The following UGT1A10 variants were observed in gnomAD, a reference collection of about 807,000 sequenced individuals.
UGT1A10 encodes UDP-glucuronosyltransferase 1A10.
Under a neutral mutation model 45.8 loss-of-function variants are expected in UGT1A10, and 49 were observed. The ratio of observed to expected loss-of-function variants is 1.07; its 90% CI spans 0.85 to 1.36. UGT1A10 has a LOEUF of 1.36. Ranked by LOEUF, UGT1A10 falls within the 40% of genes most tolerant of loss-of-function variation. The pLI, the probability that UGT1A10 is intolerant of heterozygous loss-of-function variation, is 0.00. For missense variants in UGT1A10, 745 were observed against 668.6 expected (o/e 1.11, Z -1.26); for synonymous variants, 284 against 249.7 (o/e 1.14, Z -1.29).
intron 1 of UGT1A10, among the ~76,000 whole-genome samples, chr2:233,660,654 T>G (rs1240916738): frequency 6.6e-6 from 1 of 152,238 alleles, no homozygotes; most frequent in Non-Finnish European, 1.5e-5. Context: ...GGACTGTATT[T>G]GCATAAGACG....
At chr2:233,709,129 A>T (rs2076058664) in intron 1 of UGT1A10, among the ~76,000 whole-genome samples, 1 of 152,130 alleles carries the variant, frequency 6.6e-6, no homozygotes, top group Non-Finnish European at 1.5e-5. Context: ...ATGGTGGCCA[A>T]GGGGATGAGA....
At chr2:233,742,213 CAGGGCTGAG>C (rs1691910007) in intron 1 of UGT1A10, among the ~76,000 whole-genome samples, 1 of 151,938 alleles carries the variant, frequency 6.6e-6, no homozygotes, top group Non-Finnish European at 1.5e-5. Context: ...TCACAGCCTT[CAGGGCTGAG>C]AGCCCCAAAC....
chr2:233,683,077 A>C lies in UGT1A10; in HGVS notation c.855+45700A>C, dbSNP rs150800988. Among the ~76,000 whole-genome samples the C allele has an allele frequency of 9.2e-5, 14 of 152,244 alleles. No homozygotes were observed. The East Asian group carries it at 2.7e-3, about 29-fold the overall frequency. ...CAAAAAAACCACAGTAAGAAATGAA[A>C]CTTCCCTTTTTTTGCTAATTCTACA... On this transcript the variant is annotated intron_variant, in intron 1 of 4. Coordinates refer to ENST00000344644, the MANE Select transcript of UGT1A10 (RefSeq NM_019075.4).
At chr2:233,714,248 G>C (rs1260479337) in intron 1 of UGT1A10, among the ~76,000 whole-genome samples, 1 of 152,160 alleles carries the variant, frequency 6.6e-6, no homozygotes, top group Non-Finnish European at 1.5e-5. Flanking sequence ...AAGGAGGAAG[G>C]AATAGAAATT....
Position 233,757,535 on chromosome 2 carries a change from A to AATATATATATATATATATATATAT in UGT1A10, c.856-9496_856-9473dup, listed in dbSNP as rs67292694. On this transcript the variant is annotated intron_variant, in intron 1 of 4. Transcript: ENST00000344644. ...CAAAGCCAAAATCTTGCCTGTAAGG[A>AATATATATATATATATATATATAT]ATATATATATATATATATATATATA... Among the ~76,000 whole-genome samples the AATATATATATATATATATATATAT allele has an allele frequency of 1.4e-3, 127 of 88,238 alleles. 1 individual carries two copies. The highest frequency in any genetic ancestry group is 9.2e-3 in the East Asian group (33 of 3,584). The allele number at this position is 88,238 out of a possible 152,430, so 57.9% of individuals were successfully genotyped here.
rs368860136 is a variant in UGT1A10 at position 233,772,310 on chromosome 2, G to C, written c.1344G>C (p.Pro448=). 4.6e-5 allele frequency: 74 copies of C among 1,614,210 alleles called. 1 individual carries two copies. The South Asian group carries it at 7.0e-4, about 15-fold the overall frequency. The part of the protein sequence containing the change: ...MRLSSLHKDR[P]VEPLDLAVFW... Reference sequence around the variant, plus strand: ...TCTCCAGCCTTCACAAGGACCGCCCGGTGGAGCCGCTGGACCTGGCCGTGT... The same window carrying C: ...TCTCCAGCCTTCACAAGGACCGCCCCGTGGAGCCGCTGGACCTGGCCGTGT... The change falls in exon 5 of 5, where the codon CCG becomes CCC. Residue 448 remains proline, a synonymous_variant. Transcript: ENST00000344644.
chr2:233,765,014 C>G (rs1352821222), intron 1 of UGT1A10, among the ~76,000 whole-genome samples: 2 of 151,988 alleles, frequency 1.3e-5, no homozygotes, highest in Non-Finnish European at 1.5e-5. Context: ...CCAAATCAGG[C>G]TTGGCAGGAG....
chr2:233,691,064 A>G, intron 1 of UGT1A10: 1 of 986,774 alleles, frequency 1.0e-6, no homozygotes, highest in Non-Finnish European at 1.2e-6. Context: ...GGTCTAGTAT[A>G]AAGAATGTGA....
intron 1 of UGT1A10, among the ~76,000 whole-genome samples, chr2:233,761,417 G>A (rs1445848635): frequency 6.6e-6 from 1 of 152,202 alleles, no homozygotes; most frequent in Non-Finnish European, 1.5e-5. Context: ...GAAACAACAA[G>A]CTGTTAAATG....
At chr2:233,717,804 C>G (rs147106885) in intron 1 of UGT1A10, 15 of 456,002 alleles carry the variant, frequency 3.3e-5, no homozygotes, top group African/African-American at 1.6e-4. Context: ...AGTGCCCCCA[C>G]AAATTATGCA....
chr2:233,672,615 C>A, intron 1 of UGT1A10: 1 of 1,613,744 alleles, frequency 6.2e-7, no homozygotes, highest in Non-Finnish European at 8.5e-7. Context: ...TCAAAAATGC[C>A]CTAGAAATAG....
chr2:233,724,960 GCCGAGGTTGGCGGAT>G (rs567349076), intron 1 of UGT1A10, among the ~76,000 whole-genome samples: 4,803 of 144,840 alleles, frequency 0.033, 234 homozygotes, highest in African/African-American at 0.051. Context: ...ACCTCGGGAG[GCCGAGGTTGGCGGAT>G]CACTCGCGGT....
In UGT1A10 at chr2:233,737,318, G is replaced by C. The variant is rs1217578074; in HGVS notation, c.856-29716G>C. On this transcript the variant is annotated intron_variant, in intron 1 of 4. Coordinates refer to ENST00000344644, the MANE Select transcript of UGT1A10 (RefSeq NM_019075.4). ...CCTCACAGTTCAATCTCAGACTGCT[G>C]CACTAGCAGTGAGCAAGGCTCCGTG... 2.0e-5 allele frequency among the ~76,000 whole-genome samples: 3 copies of C among 152,236 alleles called. No homozygotes were observed. In the East Asian group the frequency reaches 5.8e-4, roughly 29 times the overall value.
intron 1 of UGT1A10, chr2:233,693,432 A>G: frequency 1.2e-6 from 2 of 1,614,148 alleles, no homozygotes; most frequent in Non-Finnish European, 1.7e-6. Flanking sequence ...AAGGAGAGCA[A>G]GTTTGATGCT....
intron 1 of UGT1A10, among the ~76,000 whole-genome samples, chr2:233,720,036 T>C (rs2076824550): frequency 6.6e-6 from 1 of 152,194 alleles, no homozygotes; most frequent in Admixed American, 6.5e-5. Context: ...GCTTGCCTGA[T>C]TTTCAGCTGA....
chr2:233,742,906 T>G (rs1484146320), intron 1 of UGT1A10: 79 of 166,834 alleles, frequency 4.7e-4, no homozygotes, highest in Non-Finnish European at 5.6e-4. Context: ...AAAAAGGTAA[T>G]GCTCAAAGTG....
chr2:233,665,577 G>A (rs5008748), intron 1 of UGT1A10, among the ~76,000 whole-genome samples: 16 of 152,330 alleles, frequency 1.1e-4, no homozygotes, highest in Admixed American at 3.3e-4. Context: ...GAAAGGCAAG[G>A]TAGGGCAGGA....
intron 1 of UGT1A10, among the ~76,000 whole-genome samples, chr2:233,714,126 C>A (rs866787079): frequency 6.6e-6 from 1 of 152,016 alleles, no homozygotes; most frequent in Middle Eastern, 3.2e-3. Context: ...GGAGACTGTT[C>A]GTTTGTAAAA....
At chr2:233,675,482 C>G (rs1406805769) in intron 1 of UGT1A10, among the ~76,000 whole-genome samples, 1 of 152,114 alleles carries the variant, frequency 6.6e-6, no homozygotes, top group Non-Finnish European at 1.5e-5. Context: ...AGGTGCGGCT[C>G]TGGGGGTGGG....
Sources: allele counts gnomAD v4.1 joint callset (sites outside exome capture counted in the v4.1 genomes callset), GRCh38; gene constraint gnomAD v4.1.1; transcripts MANE v1.5; gene names NCBI Gene and HGNC (gene_info 2026-07-23, HGNC 2026-07-21).